Variants in TRIQK observed in about 807,000 individuals in gnomAD.
TRIQK encodes triple QxxK/R motif-containing protein.
In TRIQK, 10 loss-of-function variants were observed where a neutral mutation model predicts 10.8. The observed-to-expected ratio is 0.92, with a 90% CI of 0.57 to 1.57. The LOEUF (loss-of-function observed/expected upper bound fraction) is 1.57, where lower values mean the gene tolerates loss of function less well. Among genes scored for constraint, TRIQK ranks in the 40% most tolerant of loss-of-function variants. The probability of loss-of-function intolerance (pLI) is 0.00; values close to 1 mark genes in which losing one functional copy is unlikely to be tolerated. For synonymous variants in TRIQK, 33 were observed against 33.7 expected, an observed-to-expected ratio of 0.98 and a Z score of 0.07; for missense variants, 107 against 97.7, an observed-to-expected ratio of 1.09 and a Z score of -0.40.
chr8:92,969,367 A>G (rs1812851125), upstream of TRIQK, among the ~76,000 whole-genome samples: 3 of 152,064 alleles, frequency 2.0e-5, no homozygotes, highest in South Asian at 6.2e-4. Context: ...TTTTAATTCC[A>G]TTGTAGTTAG....
At chr8:92,976,735 GA>G (rs1217358399) in intron 1 of TRIQK, among the ~76,000 whole-genome samples, 4 of 151,664 alleles carry the variant, frequency 2.6e-5, no homozygotes, top group Non-Finnish European at 5.9e-5. Context: ...TTCTATTTTG[GA>G]ATTATAGAAT....
intron 2 of TRIQK, among the ~76,000 whole-genome samples, chr8:92,935,947 T>C (rs1810967423): frequency 6.6e-6 from 1 of 151,638 alleles, no homozygotes; most frequent in Non-Finnish European, 1.5e-5. Flanking sequence ...TTTAAAAATC[T>C]ACCCTTAAAA....
At chr8:92,971,243 G>A (rs1812874695) in intron 1 of TRIQK, among the ~76,000 whole-genome samples, 1 of 152,016 alleles carries the variant, frequency 6.6e-6, no homozygotes, top group African/African-American at 2.4e-5. Flanking sequence ...AACAAGACAA[G>A]GATGCCCTCT....
chr8:92,940,839 G>A (rs1442000861), intron 2 of TRIQK, among the ~76,000 whole-genome samples: 1 of 152,088 alleles, frequency 6.6e-6, no homozygotes, highest in East Asian at 1.9e-4. Context: ...CTACTCAACT[G>A]AACATGGAAC....
At chr8:92,983,394 C>T (rs1481183824) in intron 1 of TRIQK, among the ~76,000 whole-genome samples, 1 of 152,076 alleles carries the variant, frequency 6.6e-6, no homozygotes, top group Non-Finnish European at 1.5e-5. Context: ...TTATTTCCTG[C>T]TGACTCCTCA....
In TRIQK at chr8:93,011,195, C is replaced by T. The variant is rs957548606; in HGVS notation, c.-181+6414G>A. On this transcript the variant is annotated intron_variant, in intron 1 of 4. Coordinates refer to the TRIQK transcript ENST00000520686. ...ACACATACATACACACACACACACA[C>T]ACACACACACATATATATATATATA... Among the ~76,000 whole-genome samples, 12 of 121,968 alleles carry T rather than the reference C, an allele frequency of 9.8e-5. No homozygotes were observed. In the East Asian group the frequency reaches 2.6e-3, roughly 26 times the overall value. 80.0% of individuals were successfully genotyped at this position (121,968 alleles called of 152,430 possible).
chr8:92,976,861 T>C (rs1812935937), intron 1 of TRIQK, among the ~76,000 whole-genome samples: 1 of 152,018 alleles, frequency 6.6e-6, no homozygotes, highest in African/African-American at 2.4e-5. Context: ...CTTTAAGAAA[T>C]ATTATATTAT....
chr8:93,001,402 G>A lies in TRIQK; in HGVS notation c.-181+16207C>T, dbSNP rs747116736. ...CGCCTACAAAAGACTCACTTCATCC[G>A]TAAGGACACACATAGACTGAAAATG... On this transcript the variant is annotated intron_variant, in intron 1 of 4. Transcript: ENST00000520686. Among the ~76,000 whole-genome samples the A allele has an allele frequency of 5.7e-4, 86 of 151,208 alleles. 1 individual carries two copies. Among genetic ancestry groups the A allele is most frequent in the South Asian group, 2.1e-4 (1 of 4,758 alleles).
intron 1 of TRIQK, among the ~76,000 whole-genome samples, chr8:93,003,227 C>T (rs1813232227): frequency 6.6e-6 from 1 of 150,676 alleles, no homozygotes; most frequent in Admixed American, 6.6e-5. Context: ...GTACAGGAGG[C>T]ATGGCTGGGT....
At chr8:92,900,927 A>G (rs755175805) in intron 3 of TRIQK, among the ~76,000 whole-genome samples, 19 of 151,890 alleles carry the variant, frequency 1.3e-4, no homozygotes, top group Non-Finnish European at 2.7e-4. Context: ...TCATTGTTTT[A>G]TAGTTTTCAT....
intron 3 of TRIQK, among the ~76,000 whole-genome samples, chr8:92,894,381 C>T (rs1816911278): frequency 6.6e-6 from 1 of 151,912 alleles, no homozygotes; most frequent in Non-Finnish European, 1.5e-5. Context: ...AGAAAGATAC[C>T]TATGCCCACA....
At position 92,917,000 on chromosome 8, in the gene TRIQK, CA is replaced by C. The variant is rs963580589; in HGVS notation, c.-12del. The C allele has an allele frequency of 1.3e-6, 2 of 1,492,278 alleles. No individual in the cohort carries two copies. Among genetic ancestry groups the C allele is most frequent in the African/African-American group, 1.4e-5 (1 of 70,678 alleles). 92.4% of individuals were successfully genotyped at this position (1,492,278 alleles called of 1,614,324 possible). On this transcript the variant is annotated 5_prime_UTR_variant, in exon 3 of 5. Transcript: ENST00000521988. ...ATCTTTTCTACCCATCTTTGATCTCCAAAATGCCTGCTGAAAAGAAAACAAT... is the reference window on the plus strand; with the variant it reads ...ATCTTTTCTACCCATCTTTGATCTCCAAATGCCTGCTGAAAAGAAAACAAT...
upstream of TRIQK, among the ~76,000 whole-genome samples, chr8:92,970,831 T>TTGCAATTGCTTTTGA (rs1194481052): frequency 9.2e-5 from 14 of 152,318 alleles, no homozygotes; most frequent in African/African-American, 3.4e-4. Flanking sequence ...TTTGCTTTTG[T>TTGCAATTGCTTTTGA]TGCAATTGCT....
At chr8:92,969,223 A>G (rs899370569), upstream of TRIQK, among the ~76,000 whole-genome samples, 2 of 152,064 alleles carry the variant, frequency 1.3e-5, no homozygotes, top group African/African-American at 4.8e-5. Context: ...AAGTCAGGTA[A>G]CATGATGCCC....
Position 92,949,709 on chromosome 8 carries a change from A to AAGGG in TRIQK, c.-22+4693_-22+4696dup, listed in dbSNP as rs1217227390. Among the ~76,000 whole-genome samples the AAGGG allele has an allele frequency of 9.1e-4, 83 of 91,468 alleles. 4 individuals are homozygous for AAGGG. Among genetic ancestry groups the AAGGG allele is most frequent in the African/African-American group, 4.6e-3 (75 of 16,468 alleles). 60.0% of individuals were successfully genotyped at this position (91,468 alleles called of 152,430 possible). A position where few individuals can be genotyped will look rare whatever the true frequency, so the allele number is the denominator to read the frequency against. On this transcript the variant is annotated intron_variant, in intron 2 of 4. Coordinates refer to ENST00000521988, the MANE Select transcript of TRIQK (RefSeq NM_001171797.2). ...GAAAGAAAGAAAGAAAAGAGAAAGG[A>AAGGG]AGGGAGGGAGGGAGGGAGGAAGGAA...
chr8:92,928,384 C>T (rs1468223605), intron 2 of TRIQK, among the ~76,000 whole-genome samples: 1 of 152,100 alleles, frequency 6.6e-6, no homozygotes, highest in African/African-American at 2.4e-5. Flanking sequence ...TCTCAAGAGT[C>T]TAGTTAGTAC....
intron 2 of TRIQK, chr8:92,922,706 C>T (rs764560933): frequency 7.3e-5 from 11 of 151,626 alleles, no homozygotes; most frequent in South Asian, 2.1e-4. Context: ...AATTATGCCA[C>T]GGAAAAATCT....
intron 2 of TRIQK, among the ~76,000 whole-genome samples, chr8:92,933,203 AT>A (rs1810822177): frequency 6.6e-6 from 1 of 152,100 alleles, no homozygotes; most frequent in Admixed American, 6.6e-5. Flanking sequence ...CCACATTTAT[AT>A]TCATAGCTTT....
At chr8:92,963,053 C>T (rs1812540633) in intron 1 of TRIQK, among the ~76,000 whole-genome samples, 1 of 152,098 alleles carries the variant, frequency 6.6e-6, no homozygotes, top group Non-Finnish European at 1.5e-5. Context: ...TTATTGAGCC[C>T]CTAAAAATCT....
Sources: allele counts gnomAD v4.1 joint callset (sites outside exome capture counted in the v4.1 genomes callset), GRCh38; gene constraint gnomAD v4.1.1; transcripts MANE v1.5; gene names NCBI Gene and HGNC (gene_info 2026-07-23, HGNC 2026-07-21).